SLC26A2: variants seen among roughly 807,000 people sequenced by gnomAD.
SLC26A2 encodes solute carrier family 26 member 2, also known as sulfate transporter.
A neutral mutation model predicts 41.1 loss-of-function variants in SLC26A2; 36 were observed. That is an observed-to-expected ratio of 0.88 (90% CI 0.67 to 1.16). The LOEUF (loss-of-function observed/expected upper bound fraction) is 1.16. SLC26A2 is among the 50% of genes most tolerant of loss of function. The pLI is 0.00. For missense variants in SLC26A2, 796 were observed against 869.6 expected (o/e 0.92, Z 1.07); for synonymous variants, 291 against 311.6 (o/e 0.93, Z 0.70).
In SLC26A2 at chr5:149,981,686, A is replaced by G; in HGVS notation, c.2093A>G (p.Glu698Gly). 1 of 1,612,296 alleles carries G rather than the reference A, an allele frequency of 6.2e-7. No individual in the cohort carries two copies. The highest frequency in any genetic ancestry group is 8.5e-7 in the Non-Finnish European group (1 of 1,179,414). ...PTVRDSLTNG[E>G]YCKKEEENLL... ...GTGAGGGATTCCCTAACCAACGGAG[A>G]ATATTGCAAAAAGGAAGAAGAAAAC... The change falls in exon 3 of 3, where the codon GAA (glutamate) becomes GGA (glycine). Residue 698 changes from glutamate to glycine, a missense_variant. Glu to Gly is a moderately conservative substitution (Grantham distance 98, BLOSUM62 -2). Transcript: ENST00000286298.
At chr5:149,976,533 G>A (rs1754995483) in intron 1 of SLC26A2, among the ~76,000 whole-genome samples, 1 of 152,230 alleles carries the variant, frequency 6.6e-6, no homozygotes, top group South Asian at 2.1e-4. Context: ...AACAGCTTAT[G>A]TAAAGGCACT....
chr5:149,961,572 G>A (rs980306812), intron 1 of SLC26A2, among the ~76,000 whole-genome samples: 1 of 152,182 alleles, frequency 6.6e-6, no homozygotes, highest in African/African-American at 2.4e-5. Flanking sequence ...GCTAGGACTT[G>A]TACCCAGCTC....
intron 1 of SLC26A2, among the ~76,000 whole-genome samples, chr5:149,970,987 C>A (rs1467517407): frequency 6.6e-6 from 1 of 152,178 alleles, no homozygotes; most frequent in Non-Finnish European, 1.5e-5. Context: ...AGTACCCAAC[C>A]TCTAGGAGCT....
chr5:149,969,097 C>A lies in SLC26A2; in HGVS notation c.-26+8118C>A, dbSNP rs1430109030. Among the ~76,000 whole-genome samples the A allele has an allele frequency of 5.3e-5, 8 of 152,112 alleles. 1 individual carries two copies. The highest frequency in any genetic ancestry group is 1.7e-4 in the African/African-American group (7 of 41,418). On this transcript the variant is annotated intron_variant, in intron 1 of 2. Transcript: ENST00000286298. Reference sequence around the variant, plus strand: ...TGTCCAACAAAAGTCAAAGCTAATTCTTCTTGGAAAAGTTTTTGTTAAAAT... The same window carrying A: ...TGTCCAACAAAAGTCAAAGCTAATTATTCTTGGAAAAGTTTTTGTTAAAAT...
chr5:149,961,910 A>G (rs558037140), intron 1 of SLC26A2: 1 of 152,324 alleles, frequency 6.6e-6, no homozygotes, highest in East Asian at 1.9e-4. Flanking sequence ...TTATTGAGTA[A>G]ATGCTATGTG....
chr5:149,973,517 C>T (rs74726485), intron 1 of SLC26A2, among the ~76,000 whole-genome samples: 331 of 152,156 alleles, frequency 2.2e-3, no homozygotes, highest in Non-Finnish European at 3.5e-3. Flanking sequence ...CACTCCCTCT[C>T]TGTCTCTCTC....
intron 1 of SLC26A2, among the ~76,000 whole-genome samples, chr5:149,969,426 A>G (rs768832272): frequency 6.6e-6 from 1 of 152,174 alleles, no homozygotes; most frequent in Non-Finnish European, 1.5e-5. Context: ...CACCATCTGG[A>G]CATATTATAA....
rs1755026324 is a variant in SLC26A2, at chr5:149,978,047, T to C, written c.395T>C (p.Leu132Pro). 4 of 1,613,620 alleles carry C rather than the reference T, an allele frequency of 2.5e-6. No individual in the cohort carries two copies. In the Middle Eastern group the frequency reaches 5.0e-4, roughly 200 times the overall value. The change falls in exon 2 of 3, where the codon CTG becomes CCG. Residue 132 changes from leucine (L) to proline (P), a missense_variant. Leu to Pro is a moderately conservative substitution (Grantham distance 98, BLOSUM62 -3). Transcript: ENST00000286298. ...CCCCAGTCCATTGCTTATTCCCTGC[T>C]GGCTGGCCAAGAACCTGTCTATGGT... ...LVPQSIAYSL[L>P]AGQEPVYGLY... is the part of the protein sequence containing the mutation.
intron 1 of SLC26A2, among the ~76,000 whole-genome samples, chr5:149,976,409 G>A (rs1754994221): frequency 6.6e-6 from 1 of 152,126 alleles, no homozygotes; most frequent in Non-Finnish European, 1.5e-5. Context: ...TATTTCATTT[G>A]GGCTAGGGGA....
Position 149,977,868 on chromosome 5 carries a change from A to G in SLC26A2, c.216A>G (p.Lys72=), listed in dbSNP as rs1755020230. The G allele has an allele frequency of 1.6e-5, 26 of 1,614,210 alleles. No individual in the cohort carries two copies. The highest frequency in any genetic ancestry group is 2.2e-5 in the Non-Finnish European group (26 of 1,180,010). The change falls in exon 2 of 3, where the codon AAA becomes AAG. Residue 72 remains lysine (K), a synonymous_variant. Coordinates refer to ENST00000286298, the MANE Select transcript of SLC26A2 (RefSeq NM_000112.4). Reference sequence around the variant, plus strand: ...CAAACTTCAAGGAGTTTGTTATTAAAAAGCTGCAGAAGAATTGCCAGTGCA... The same window carrying G: ...CAAACTTCAAGGAGTTTGTTATTAAGAAGCTGCAGAAGAATTGCCAGTGCA... ...SDTNFKEFVI[K]KLQKNCQCSP... is the part of the protein sequence containing the mutation.
chr5:149,976,002 G>T (rs1391961375), intron 1 of SLC26A2, among the ~76,000 whole-genome samples: 1 of 151,796 alleles, frequency 6.6e-6, no homozygotes. Flanking sequence ...TACTAAAAAT[G>T]CAAAAATTAG....
At chr5:149,976,602 T>A (rs761629144) in intron 1 of SLC26A2, among the ~76,000 whole-genome samples, 1 of 152,240 alleles carries the variant, frequency 6.6e-6, no homozygotes, top group Non-Finnish European at 1.5e-5. Flanking sequence ...CCTGGTTCAT[T>A]TTCTTCTCTT....
At position 149,981,381 on chromosome 5, in the gene SLC26A2, A is replaced by G. The variant is rs776206829; in HGVS notation, c.1788A>G (p.Lys596=). The G allele has an allele frequency of 1.2e-6, 2 of 1,613,996 alleles. No homozygotes were observed. Among genetic ancestry groups the G allele is most frequent in the Non-Finnish European group, 1.7e-6 (2 of 1,180,020 alleles). The change falls in exon 3 of 3, where the codon AAA becomes AAG. Residue 596 remains lysine (K), a synonymous_variant. Coordinates refer to ENST00000286298, the MANE Select transcript of SLC26A2 (RefSeq NM_000112.4). ...PLYYINKECF[K]SALYKQTVNP... Reference sequence around the variant, plus strand: ...ACTACATAAACAAAGAATGCTTTAAATCTGCTTTATACAAACAAACTGTCA... The same window carrying G: ...ACTACATAAACAAAGAATGCTTTAAGTCTGCTTTATACAAACAAACTGTCA...
intron 1 of SLC26A2, among the ~76,000 whole-genome samples, chr5:149,968,901 C>T (rs1754854462): frequency 6.6e-6 from 1 of 151,468 alleles, no homozygotes; most frequent in Admixed American, 6.6e-5. Flanking sequence ...ACCACCACAC[C>T]CAGCTAATTT....
In SLC26A2 at chr5:149,980,936, C is replaced by G. The variant is rs771098555; in HGVS notation, c.1343C>G (p.Ser448Ter). Reference sequence around the variant, plus strand: ...CTTGCAAAGACATTGGTTAAAGAATCAACAGGCTGCCATACTCAGCTTTCT... The same window carrying G: ...CTTGCAAAGACATTGGTTAAAGAATGAACAGGCTGCCATACTCAGCTTTCT... ...AALAKTLVKE[S>*]TGCHTQLSGV... The change falls in exon 3 of 3, where the codon TCA (serine) becomes TGA (stop). Residue 448 changes from serine to a stop codon, truncating the protein, a stop_gained. Transcript: ENST00000286298. LOFTEE classifies it high-confidence loss of function. 2 of 1,614,026 alleles carry G rather than the reference C, an allele frequency of 1.2e-6. No homozygotes were observed. The highest frequency in any genetic ancestry group is 3.3e-5 in the Admixed American group (2 of 60,002).
intron 2 of SLC26A2, among the ~76,000 whole-genome samples, chr5:149,979,871 A>C (rs1224393693): frequency 6.6e-6 from 1 of 152,248 alleles, no homozygotes. Flanking sequence ...AGTGATTTGT[A>C]ATTTAAGGAA....
chr5:149,979,206 G>A (rs966662763), intron 2 of SLC26A2, among the ~76,000 whole-genome samples: 4 of 152,090 alleles, frequency 2.6e-5, no homozygotes, highest in African/African-American at 9.7e-5. Context: ...CCACTAATCT[G>A]TCATTATCAT....
rs181025508 is a variant in SLC26A2, at chr5:149,967,299, C to T, written c.-26+6320C>T. On this transcript the variant is annotated intron_variant, in intron 1 of 2. Coordinates refer to ENST00000286298, the MANE Select transcript of SLC26A2 (RefSeq NM_000112.4). Reference sequence around the variant, plus strand: ...AAGCTGTACATATTTCAAAGGTACTCTCTCTATATATATACATAAAACTGT... The same window carrying T: ...AAGCTGTACATATTTCAAAGGTACTTTCTCTATATATATACATAAAACTGT... 1.9e-3 allele frequency among the ~76,000 whole-genome samples: 289 copies of T among 152,176 alleles called. 1 individual carries two copies. Among genetic ancestry groups the T allele is most frequent in the African/African-American group, 5.3e-3 (222 of 41,506 alleles).
intron 1 of SLC26A2, among the ~76,000 whole-genome samples, chr5:149,967,255 A>G (rs1234450166): frequency 1.3e-5 from 2 of 152,242 alleles, no homozygotes; most frequent in Non-Finnish European, 2.9e-5. Context: ...GCTTTATTGT[A>G]GTATAATTGA....
Sources: allele counts gnomAD v4.1 joint callset (sites outside exome capture counted in the v4.1 genomes callset), GRCh38; gene constraint gnomAD v4.1.1; transcripts MANE v1.5; gene names NCBI Gene and HGNC (gene_info 2026-07-23, HGNC 2026-07-21).